The following COMMD10 variants were observed in gnomAD, a reference collection of about 807,000 sequenced individuals.
The protein encoded by COMMD10 is COMM domain-containing protein 10.
In COMMD10, 33 loss-of-function variants were observed where a neutral mutation model predicts 28.9. That is an observed-to-expected ratio of 1.14 (90% CI 0.87 to 1.53). COMMD10 has a LOEUF of 1.53. Ranked by LOEUF, COMMD10 falls within the 40% of genes most tolerant of loss-of-function variation. The pLI, the probability that COMMD10 is intolerant of heterozygous loss-of-function variation, is 0.00. For missense variants in COMMD10, 310 were observed against 233.4 expected, an observed-to-expected ratio of 1.33 and a Z score of -2.14; for synonymous variants, 110 against 81.7, an observed-to-expected ratio of 1.35 and a Z score of -1.87.
chr5:116,232,327 A>C (rs940399224), intron 5 of COMMD10, among the ~76,000 whole-genome samples: 1 of 151,168 alleles, frequency 6.6e-6, no homozygotes, highest in Admixed American at 6.6e-5. Context: ...GCAGATACAC[A>C]GACTGAATAT....
chr5:116,179,560 A>G (rs1747876331), intron 5 of COMMD10, among the ~76,000 whole-genome samples: 2 of 152,140 alleles, frequency 1.3e-5, no homozygotes, highest in Non-Finnish European at 2.9e-5. Flanking sequence ...GGAAGGAACA[A>G]GAAGGAAGCT....
chr5:116,160,529 G>A (rs183908509), intron 5 of COMMD10, among the ~76,000 whole-genome samples: 67 of 151,764 alleles, frequency 4.4e-4, no homozygotes, highest in African/African-American at 1.5e-3. Context: ...TAGGTACAAG[G>A]TAATAGATTT....
intron 4 of COMMD10, among the ~76,000 whole-genome samples, chr5:116,093,561 A>G (rs1183969977): frequency 6.6e-6 from 1 of 152,098 alleles, no homozygotes; most frequent in Non-Finnish European, 1.5e-5. Flanking sequence ...AAGTTCATGC[A>G]ATGGTATTGC....
At chr5:116,120,819 T>C (rs62384715) in intron 4 of COMMD10, among the ~76,000 whole-genome samples, 47,496 of 151,552 alleles carry the variant, frequency 0.31, 10,385 homozygotes, top group African/African-American at 0.63. Context: ...TCTGTTCACC[T>C]GTTTGTGGAT....
At chr5:116,173,846 TTTG>T (rs1379669218) in intron 5 of COMMD10, among the ~76,000 whole-genome samples, 1,906 of 104,614 alleles carry the variant, frequency 0.018, 31 homozygotes, top group African/African-American at 0.086. Flanking sequence ...TTGTTTTGTT[TTTG>T]TTTTTTTTTT....
intron 4 of COMMD10, among the ~76,000 whole-genome samples, chr5:116,108,064 C>G (rs1750901720): frequency 6.6e-6 from 1 of 152,320 alleles, no homozygotes; most frequent in Admixed American, 6.5e-5. Context: ...CAGAGGGGCA[C>G]CCACAAGATG....
intron 5 of COMMD10, among the ~76,000 whole-genome samples, chr5:116,202,635 A>G (rs1041993060): frequency 5.9e-5 from 9 of 152,014 alleles, no homozygotes; most frequent in African/African-American, 1.9e-4. Context: ...TCTGATGGCC[A>G]GTGATGATGA....
chr5:116,280,450 C>T (rs973720515), intron 5 of COMMD10, among the ~76,000 whole-genome samples: 3 of 151,738 alleles, frequency 2.0e-5, no homozygotes, highest in East Asian at 3.9e-4. Context: ...TATTCTCCCT[C>T]GTTGCCCCAC....
At chr5:116,261,145 G>T (rs4244402) in intron 5 of COMMD10, among the ~76,000 whole-genome samples, 3 of 151,694 alleles carry the variant, frequency 2.0e-5, no homozygotes, top group East Asian at 1.9e-4. Flanking sequence ...ACATATTTCA[G>T]GAAGAAAACT....
At chr5:116,151,712 A>T (rs538597787) in intron 5 of COMMD10, among the ~76,000 whole-genome samples, 3 of 151,902 alleles carry the variant, frequency 2.0e-5, no homozygotes, top group African/African-American at 7.3e-5. Context: ...TATCCCCTTT[A>T]TCATTTTTGT....
chr5:116,182,574 A>G (rs948081300), intron 5 of COMMD10, among the ~76,000 whole-genome samples: 1 of 152,148 alleles, frequency 6.6e-6, no homozygotes, highest in African/African-American at 2.4e-5. Flanking sequence ...TTTAGAGAAC[A>G]AAACAGTATT....
intron 5 of COMMD10, among the ~76,000 whole-genome samples, chr5:116,288,407 T>C (rs1009566003): frequency 2.6e-5 from 4 of 151,916 alleles, no homozygotes; most frequent in Non-Finnish European, 5.9e-5. Context: ...TTGACTATAA[T>C]GTTTCTTAGT....
intron 5 of COMMD10, among the ~76,000 whole-genome samples, chr5:116,170,325 A>C (rs1753280353): frequency 6.6e-6 from 1 of 152,152 alleles, no homozygotes; most frequent in South Asian, 2.1e-4. Context: ...ACAACTTCTC[A>C]AGGAAATGAG....
intron 5 of COMMD10, among the ~76,000 whole-genome samples, chr5:116,180,247 A>G (rs1747910774): frequency 6.6e-6 from 1 of 152,160 alleles, no homozygotes; most frequent in Non-Finnish European, 1.5e-5. Flanking sequence ...ACGTACATTC[A>G]GGTTTATAGA....
At chr5:116,100,075 TG>T (rs1750607744) in intron 4 of COMMD10, among the ~76,000 whole-genome samples, 3 of 152,210 alleles carry the variant, frequency 2.0e-5, no homozygotes, top group African/African-American at 4.8e-5. Context: ...TAAATAATTT[TG>T]TGTATGAAAC....
chr5:116,202,938 G>A (rs1253223423), intron 5 of COMMD10, among the ~76,000 whole-genome samples: 2 of 152,066 alleles, frequency 1.3e-5, no homozygotes, highest in Admixed American at 6.6e-5. Context: ...TGCTTTTGGT[G>A]TTTTAGACAT....
chr5:116,275,422 C>T (rs759499871), intron 5 of COMMD10, among the ~76,000 whole-genome samples: 63 of 151,914 alleles, frequency 4.1e-4, no homozygotes, highest in Non-Finnish European at 8.7e-4. Flanking sequence ...CCTTTATTGA[C>T]TCCAGAATGT....
Position 116,085,026 on chromosome 5 carries a change from G to T in COMMD10, c.-27G>T, listed in dbSNP as rs367887177. 55 of 1,601,250 alleles carry T rather than the reference G, an allele frequency of 3.4e-5. No individual in the cohort carries two copies. The highest frequency in any genetic ancestry group is 3.4e-5 in the Admixed American group (2 of 58,198). ...TTGGCTGGGTTCGGCGCAGCTAACA[G>T]ACGGCGGCAGTGCGAGAAAGCCGAA... On this transcript the variant is annotated 5_prime_UTR_variant, in exon 1 of 7. Coordinates refer to ENST00000274458, the MANE Select transcript of COMMD10 (RefSeq NM_016144.4).
At chr5:116,108,224 C>T (rs57777176) in intron 4 of COMMD10, among the ~76,000 whole-genome samples, 33,737 of 152,176 alleles carry the variant, frequency 0.22, 4,659 homozygotes, top group African/African-American at 0.38. Flanking sequence ...CCACTGCTCT[C>T]TCCAGAGCTG....
Sources: gnomAD v4.1 joint callset for allele counts (sites outside exome capture counted in the v4.1 genomes callset) on GRCh38, gnomAD v4.1.1 for gene constraint, MANE v1.5 for transcripts, NCBI Gene and HGNC (gene_info 2026-07-23, HGNC 2026-07-21) for gene names.